Variants in ZMYM5 observed in about 807,000 individuals in gnomAD.
ZMYM5 encodes the protein zinc finger MYM-type protein 5.
A neutral mutation model predicts 61.8 loss-of-function variants in ZMYM5; 41 were observed. The ratio of observed to expected loss-of-function variants is 0.66; its 90% CI spans 0.52 to 0.86. The LOEUF (loss-of-function observed/expected upper bound fraction) is 0.86, where lower values mean the gene tolerates loss of function less well. Among genes scored for constraint, ZMYM5 ranks in the 40% least tolerant of loss-of-function variants. ZMYM5 has a pLI of 0.00. For missense variants in ZMYM5, 706 were observed against 786.7 expected (o/e 0.90, Z 1.23); for synonymous variants, 257 against 276.4 (o/e 0.93, Z 0.70).
chr13:19,851,644 A>G, intron 3 of ZMYM5, 45 bp downstream of exon 3: 4 of 1,548,962 alleles, frequency 2.6e-6, no homozygotes, highest in Non-Finnish European at 3.5e-6. Context: ...TGTATTTCAG[A>G]GTCAATTCTG....
rs577245694 is a variant in ZMYM5, at chr13:19,839,056, C to T, written c.587-71G>A. ...ACATCAGAAAAATAACTTGCATTTT[C>T]ATTTAAGAGTTTAAGAGACAAGTGG... On this transcript the variant is annotated intron_variant, in intron 4 of 7. Coordinates refer to ENST00000337963, the MANE Select transcript of ZMYM5 (RefSeq NM_001142684.2). The T allele has an allele frequency of 2.6e-6, 4 of 1,551,518 alleles. No homozygotes were observed. In the East Asian group the frequency reaches 6.7e-5, roughly 26 times the overall value.
chr13:19,829,583 G>A (rs975421741), intron 7 of ZMYM5, among the ~76,000 whole-genome samples: 12 of 152,070 alleles, frequency 7.9e-5, no homozygotes, highest in African/African-American at 2.9e-4. Context: ...AAGCCATTAC[G>A]CCTGGCAAAC....
Position 19,824,620 on chromosome 13 carries a change from C to G in ZMYM5, c.1867G>C (p.Glu623Gln). The G allele has an allele frequency of 7.6e-7, 1 of 1,313,750 alleles. No individual in the cohort carries two copies. The highest frequency in any genetic ancestry group is 1.5e-5 in the African/African-American group (1 of 66,808). 81.4% of individuals were successfully genotyped at this position (1,313,750 alleles called of 1,614,324 possible). Residue 623 changes from glutamate to glutamine, a missense_variant, in exon 8 of 8, where the codon GAA becomes CAA. Physicochemically the swap from Glu to Gln is conservative, Grantham distance 29. Transcript: ENST00000337963. ...QHLSHILSKHEESEMHVNNSV... is the reference protein window; with the variant it reads ...QHLSHILSKHQESEMHVNNSV... ...TTGTTGACGTGCATTTCACTTTCTTCATGTTTACTAAGAATATGTGATAAA... is the reference window on the plus strand; with the variant it reads ...TTGTTGACGTGCATTTCACTTTCTTGATGTTTACTAAGAATATGTGATAAA...
chr13:19,834,781 C>G (rs1336803721), intron 7 of ZMYM5, among the ~76,000 whole-genome samples: 1 of 152,048 alleles, frequency 6.6e-6, no homozygotes, highest in Admixed American at 6.6e-5. Context: ...CTCTGCCTAC[C>G]AGGTTCAAGT....
chr13:19,834,994 C>CTTT (rs71070250), intron 7 of ZMYM5, among the ~76,000 whole-genome samples: 2 of 140,622 alleles, frequency 1.4e-5, no homozygotes, highest in South Asian at 2.3e-4. Context: ...CATTTTCTTT[C>CTTT]TTTTTTTTTT....
chr13:19,840,073 A>G (rs1952814458), intron 4 of ZMYM5, among the ~76,000 whole-genome samples: 1 of 152,188 alleles, frequency 6.6e-6, no homozygotes, highest in South Asian at 2.1e-4. Context: ...TTTCTAACCA[A>G]CTCTCAGATG....
chr13:19,826,350 TCAAAAAA>T (rs1355799871), intron 7 of ZMYM5, among the ~76,000 whole-genome samples: 6 of 151,390 alleles, frequency 4.0e-5, no homozygotes, highest in East Asian at 2.0e-4. Context: ...AGACTCCGTC[TCAAAAAA>T]CAAAAAACAA....
At chr13:19,850,014 GCAA>G (rs1011188971) in intron 4 of ZMYM5, among the ~76,000 whole-genome samples, 1 of 150,698 alleles carries the variant, frequency 6.6e-6, no homozygotes, top group Non-Finnish European at 1.5e-5. Context: ...TTTCCTGAAG[GCAA>G]CAACATGATT....
At chr13:19,861,424 T>C (rs2138675292) in intron 2 of ZMYM5, among the ~76,000 whole-genome samples, 1 of 152,298 alleles carries the variant, frequency 6.6e-6, no homozygotes, top group Admixed American at 6.5e-5. Context: ...AGTGGTTGGA[T>C]GACAGGCATG....
chr13:19,839,564 G>C (rs1180941924), intron 4 of ZMYM5, among the ~76,000 whole-genome samples: 1 of 151,792 alleles, frequency 6.6e-6, no homozygotes, highest in Non-Finnish European at 1.5e-5. Context: ...TTAGTAGAGA[G>C]GGTGTTTCAC....
At chr13:19,830,040 C>G (rs888640831) in intron 7 of ZMYM5, among the ~76,000 whole-genome samples, 5 of 152,146 alleles carry the variant, frequency 3.3e-5, no homozygotes, top group African/African-American at 1.2e-4. Flanking sequence ...CACCTCTGGA[C>G]TCTATCCACT....
At chr13:19,833,315 G>A (rs1952582336) in intron 7 of ZMYM5, among the ~76,000 whole-genome samples, 1 of 152,044 alleles carries the variant, frequency 6.6e-6, no homozygotes. Flanking sequence ...TAATTTTTGT[G>A]TATGCAATGA....
At chr13:19,863,006 C>T (rs1953828924) in intron 1 of ZMYM5, among the ~76,000 whole-genome samples, 1 of 152,212 alleles carries the variant, frequency 6.6e-6, no homozygotes, top group South Asian at 2.1e-4. Flanking sequence ...GGGGACCCAG[C>T]GGGGCAGAGG....
At chr13:19,829,294 A>G (rs1391147213) in intron 7 of ZMYM5, among the ~76,000 whole-genome samples, 1 of 152,138 alleles carries the variant, frequency 6.6e-6, no homozygotes, top group East Asian at 1.9e-4. Context: ...ATTAAAAAAA[A>G]TAAATATATT....
At chr13:19,859,239 A>C (rs1434153337) in intron 2 of ZMYM5, among the ~76,000 whole-genome samples, 1 of 151,864 alleles carries the variant, frequency 6.6e-6, no homozygotes, top group African/African-American at 2.4e-5. Flanking sequence ...TCTGAGCAAG[A>C]CTCTTCCCTG....
At chr13:19,840,843 A>G (rs1952845725) in intron 4 of ZMYM5, among the ~76,000 whole-genome samples, 1 of 151,868 alleles carries the variant, frequency 6.6e-6, no homozygotes, top group South Asian at 2.1e-4. Context: ...ATGCCCGGCT[A>G]ATTTTTTGTA....
chr13:19,835,797 TCTC>T (rs1440203704), intron 6 of ZMYM5, 108 bp from the exon 7 acceptor site: 21 of 768,728 alleles, frequency 2.7e-5, no homozygotes, highest in Non-Finnish European at 3.7e-5. Flanking sequence ...CCTAATCATA[TCTC>T]AGAGGAAGAT....
At chr13:19,858,584 T>G (rs1593923224) in intron 2 of ZMYM5, among the ~76,000 whole-genome samples, 1 of 20,382 alleles carries the variant, frequency 4.9e-5, no homozygotes, top group Non-Finnish European at 1.4e-4. Context: ...AGACGCTGTT[T>G]CAAAAAAAAA....
Position 19,824,539 on chromosome 13 carries a change from C to A in ZMYM5, c.1948G>T (p.Ala650Ser). The A allele has an allele frequency of 7.5e-7, 1 of 1,332,396 alleles. No individual in the cohort carries two copies. The highest frequency in any genetic ancestry group is 9.9e-7 in the Non-Finnish European group (1 of 1,008,276). 82.5% of individuals were successfully genotyped at this position (1,332,396 alleles called of 1,614,324 possible). The change falls in exon 8 of 8, where the codon GCT (alanine) becomes TCT (serine). Residue 650 changes from alanine to serine, a missense_variant. Ala to Ser is a moderately conservative substitution (Grantham distance 99, BLOSUM62 1). Transcript: ENST00000337963. ...TTTTCATATAATCTGTGTTCTGCAGCATCAATAGCTTTATTTTTTTTCAGA... is the reference window on the plus strand; with the variant it reads ...TTTTCATATAATCTGTGTTCTGCAGAATCAATAGCTTTATTTTTTTTCAGA... ...SDLKKNKAID[A>S]AEHRLYENEK...
Sources: allele counts gnomAD v4.1 joint callset (sites outside exome capture counted in the v4.1 genomes callset), GRCh38; gene constraint gnomAD v4.1.1; transcripts MANE v1.5; gene names NCBI Gene and HGNC (gene_info 2026-07-23, HGNC 2026-07-21).